PIK3C2B: variants seen among roughly 807,000 people sequenced by gnomAD.
PIK3C2B encodes the protein phosphatidylinositol-4-phosphate 3-kinase catalytic subunit type 2 beta, also known as phosphatidylinositol 4-phosphate 3-kinase C2 domain-containing subunit beta.
In PIK3C2B, 83 loss-of-function variants were observed where a neutral mutation model predicts 184.3. The observed-to-expected ratio is 0.45, with a 90% CI of 0.38 to 0.54. The LOEUF (loss-of-function observed/expected upper bound fraction) is 0.54, where lower values mean the gene tolerates loss of function less well. PIK3C2B is among the 20% of genes least tolerant of loss of function. The pLI, the probability that PIK3C2B is intolerant of heterozygous loss-of-function variation, is 0.00. For missense variants in PIK3C2B, 1,736 were observed against 2,113.5 expected (o/e 0.82, Z 3.50); for synonymous variants, 779 against 837.6 (o/e 0.93, Z 1.21).
rs1173081550 is a variant in PIK3C2B, at chr1:204,469,509, T to C, written c.294A>G (p.Pro98=). Residue 98 remains proline (P), a synonymous_variant, in exon 2 of 33, where the codon CCA becomes CCG. Coordinates refer to ENST00000684373, the MANE Select transcript of PIK3C2B (RefSeq NM_001377334.1). ...DPTLNYNSLS[P]QEGPPNHSTS... is the part of the protein sequence containing the mutation. The stretch of plus-strand genomic sequence containing the variant: ...TAGAGTGGTTGGGCGGCCCTTCCTG[T>C]GGGGAGAGTGAGTTGTAGTTAAGGG... 2.5e-6 allele frequency: 4 copies of C among 1,607,468 alleles called. No individual in the cohort carries two copies. Among genetic ancestry groups the C allele is most frequent in the African/African-American group, 1.3e-5 (1 of 74,782 alleles).
intron 4 of PIK3C2B, 79 bp from the exon 5 acceptor site, chr1:204,464,211 C>T (rs1655563280): frequency 1.3e-6 from 2 of 1,516,042 alleles, no homozygotes; most frequent in Non-Finnish European, 1.8e-6. Flanking sequence ...CCTGATCCCC[C>T]TTTCCAGCTA....
chr1:204,433,488 C>T lies in PIK3C2B; in HGVS notation c.3844-63G>A. 1 of 1,100,880 alleles carries T rather than the reference C, an allele frequency of 9.1e-7. No homozygotes were observed. Among genetic ancestry groups the T allele is most frequent in the South Asian group, 1.3e-5 (1 of 79,204 alleles). 68.2% of individuals were successfully genotyped at this position (1,100,880 alleles called of 1,614,324 possible). A position where few individuals can be genotyped will look rare whatever the true frequency, so the allele number is the denominator to read the frequency against. On this transcript the variant is annotated intron_variant, in intron 25 of 32. Coordinates refer to ENST00000684373, the MANE Select transcript of PIK3C2B (RefSeq NM_001377334.1). This position sits in a 1 kb window ranked among gnomAD's most constrained non-coding sequence, Gnocchi z 5.0. The stretch of plus-strand genomic sequence containing the variant: ...ACAACAGAGAATTCTTGCTGCTTCT[C>T]TACCCTTAGGCAAGGTTTTCTACAG...
chr1:204,470,965 A>G (rs116266320), intron 1 of PIK3C2B, among the ~76,000 whole-genome samples: 2,373 of 147,272 alleles, frequency 0.016, 263 homozygotes, highest in African/African-American at 0.058. Context: ...GATCAGCGGT[A>G]TCTGGGGGAC....
intron 1 of PIK3C2B, among the ~76,000 whole-genome samples, chr1:204,490,789 T>C (rs1442645199): frequency 6.8e-6 from 1 of 147,360 alleles, no homozygotes; most frequent in African/African-American, 2.5e-5. Flanking sequence ...AAGGCAAGAA[T>C]AGTCCCTCAA....
At position 204,431,812 on chromosome 1, in the gene PIK3C2B, T is replaced by C. The variant is rs770641497; in HGVS notation, c.4156-19A>G. ...CATATATCTGCAAAGGTCCAGATCTTAGGGTGTACCTGCCGAGCCCTCTGC... is the reference window on the plus strand; with the variant it reads ...CATATATCTGCAAAGGTCCAGATCTCAGGGTGTACCTGCCGAGCCCTCTGC... On this transcript the variant is annotated intron_variant, in intron 27 of 32. Coordinates refer to ENST00000684373, the MANE Select transcript of PIK3C2B (RefSeq NM_001377334.1). The C allele has an allele frequency of 1.2e-6, 2 of 1,614,034 alleles. No individual in the cohort carries two copies. Among genetic ancestry groups the C allele is most frequent in the Non-Finnish European group, 8.5e-7 (1 of 1,180,010 alleles).
intron 1 of PIK3C2B, among the ~76,000 whole-genome samples, chr1:204,471,965 T>A (rs1301094983): frequency 3.5e-4 from 3 of 8,482 alleles, no homozygotes; most frequent in Non-Finnish European, 0.042. Context: ...AAATATTGAT[T>A]TTTTTTTTTC....
At chr1:204,441,376 G>A (rs949916949) in intron 21 of PIK3C2B, 95 bp downstream of exon 21, 16 of 721,826 alleles carry the variant, frequency 2.2e-5, no homozygotes, top group African/African-American at 1.4e-4. Context: ...TGGAACAGTG[G>A]GAAGAGAACC....
At position 204,433,693 on chromosome 1, in the gene PIK3C2B, AG is replaced by A; in HGVS notation, c.3843+99del. On this transcript the variant is annotated intron_variant, in intron 25 of 32. Coordinates refer to ENST00000684373, the MANE Select transcript of PIK3C2B (RefSeq NM_001377334.1). This position sits in a 1 kb window ranked among gnomAD's most constrained non-coding sequence, Gnocchi z 5.0. Reference sequence around the variant, plus strand: ...GCAGGTATTCAGTTGGGGCTCAGAGAGGTAAATCTCTAGAAATCCTCTGCGG... The same window carrying A: ...GCAGGTATTCAGTTGGGGCTCAGAGAGTAAATCTCTAGAAATCCTCTGCGG... The A allele has an allele frequency of 1.7e-6, 2 of 1,162,006 alleles. No homozygotes were observed. Among genetic ancestry groups the A allele is most frequent in the South Asian group, 1.4e-5 (1 of 73,174 alleles). 72.0% of individuals were successfully genotyped at this position (1,162,006 alleles called of 1,614,324 possible). A position where few individuals can be genotyped will look rare whatever the true frequency, so the allele number is the denominator to read the frequency against.
intron 1 of PIK3C2B, among the ~76,000 whole-genome samples, chr1:204,479,576 G>C (rs1286225248): frequency 1.3e-5 from 2 of 152,172 alleles, no homozygotes; most frequent in Admixed American, 6.5e-5. Context: ...TATAAACAAA[G>C]GTCCTCTGAA....
At chr1:204,471,846 T>C (rs1385595545) in intron 1 of PIK3C2B, among the ~76,000 whole-genome samples, 1 of 152,258 alleles carries the variant, frequency 6.6e-6, no homozygotes, top group Non-Finnish European at 1.5e-5. Context: ...ACGGACCTTG[T>C]AATTACTCAG....
In PIK3C2B at chr1:204,440,332, G is replaced by A. The variant is rs2103479415; in HGVS notation, c.3250-11C>T. 2 of 1,573,450 alleles carry A rather than the reference G, an allele frequency of 1.3e-6. No individual in the cohort carries two copies. The highest frequency in any genetic ancestry group is 2.3e-5 in the East Asian group (1 of 42,792). On this transcript the variant is annotated splice_polypyrimidine_tract_variant and intron_variant, in intron 21 of 32. Transcript: ENST00000684373. ...AAGGTCGTCCCCACACTGGATGGAG[G>A]GAGAAAGTGACCAGATCTAATCTCC... is the stretch of plus-strand genomic sequence containing the variant.
chr1:204,464,960 G>A (rs1655630034), intron 3 of PIK3C2B, among the ~76,000 whole-genome samples: 1 of 152,212 alleles, frequency 6.6e-6, no homozygotes, highest in African/African-American at 2.4e-5. Flanking sequence ...GCTCTTAAGG[G>A]CAACTGAGGG....
rs578014842 is a variant in PIK3C2B at position 204,470,111 on chromosome 1, C to T, written c.-84-225G>A. 5.5e-4 allele frequency among the ~76,000 whole-genome samples: 84 copies of T among 151,984 alleles called. 1 individual carries two copies. Among genetic ancestry groups the T allele is most frequent in the African/African-American group, 6.5e-4 (27 of 41,438 alleles). ...TTCATCTCTACATGCCTCATCTCTG[C>T]GCCCTAATCCCTATACTCACCTCTG... is the stretch of plus-strand genomic sequence containing the variant. On this transcript the variant is annotated intron_variant, in intron 1 of 32. Coordinates refer to ENST00000684373, the MANE Select transcript of PIK3C2B (RefSeq NM_001377334.1).
chr1:204,444,115 G>C lies in PIK3C2B; in HGVS notation c.2820C>G (p.Leu940=). ...TCAAGTCAGACACAGCTCGTTTCAGGAGGAAGCGCACCAACGGGCTGTCCA... is the reference window on the plus strand; with the variant it reads ...TCAAGTCAGACACAGCTCGTTTCAGCAGGAAGCGCACCAACGGGCTGTCCA... ...CYLDSPLVRF[L]LKRAVSDLRV... is the part of the protein sequence containing the mutation. The change falls in exon 18 of 33, where the codon CTC becomes CTG. Residue 940 remains leucine, a synonymous_variant. Coordinates refer to ENST00000684373, the MANE Select transcript of PIK3C2B (RefSeq NM_001377334.1). 6.2e-7 allele frequency: 1 copy of C among 1,614,010 alleles called. No individual in the cohort carries two copies. Among genetic ancestry groups the C allele is most frequent in the Non-Finnish European group, 8.5e-7 (1 of 1,179,836 alleles).
Position 204,424,871 on chromosome 1 carries a change from C to T in PIK3C2B, c.4886G>A (p.Arg1629Gln), listed in dbSNP as rs770075841. Residue 1629 changes from arginine (R) to glutamine (Q), a missense_variant, in exon 33 of 33, where the codon CGA (arginine) becomes CAA (glutamine). By Grantham distance (43) the Arg-to-Gln change is conservative. Around this residue, in one of 8 missense-constraint regions of PIK3C2B, gnomAD observed 95 missense variants for 164.2 expected, o/e 0.58. Coordinates refer to ENST00000684373, the MANE Select transcript of PIK3C2B (RefSeq NM_001377334.1). ...CTGGGCTCACAAGGTGCCATGACTTCGAGATCCCAGGGCGAACCAGCCGGT... is the reference window on the plus strand; with the variant it reads ...CTGGGCTCACAAGGTGCCATGACTTTGAGATCCCAGGGCGAACCAGCCGGT... ...EKTGWFALGSRSHGTL is the reference protein window; with the variant it reads ...EKTGWFALGSQSHGTL The T allele has an allele frequency of 3.4e-5, 55 of 1,613,944 alleles. No homozygotes were observed. The highest frequency in any genetic ancestry group is 8.0e-5 in the African/African-American group (6 of 74,928).
In PIK3C2B at chr1:204,464,608, T is replaced by C. The variant is rs113688884; in HGVS notation, c.1035-4A>G. 1.9e-6 allele frequency: 3 copies of C among 1,611,662 alleles called. No homozygotes were observed. The highest frequency in any genetic ancestry group is 1.7e-5 in the Admixed American group (1 of 59,332). On this transcript the variant is annotated splice_region_variant and splice_polypyrimidine_tract_variant and intron_variant, in intron 3 of 32. Transcript: ENST00000684373. ...GATGTCAGAGCCAGATCGAAGGCTG[T>C]ACAGGAAGAAAAAAAACCCTCACTG...
In PIK3C2B at chr1:204,459,920, G is replaced by A. The variant is rs770988411; in HGVS notation, c.1524C>T (p.Phe508=). The part of the protein sequence containing the change: ...TISRQALSLL[F]DTYHNEVDAF... ...CATCCACCTCATTGTGGTAAGTGTC[G>A]AACAGAAGACTCAGGGCCTGCCTGG... Residue 508 remains phenylalanine, a synonymous_variant, in exon 8 of 33, where the codon TTC becomes TTT. Transcript: ENST00000684373. 56 of 1,613,716 alleles carry A rather than the reference G, an allele frequency of 3.5e-5. No homozygotes were observed. Among genetic ancestry groups the A allele is most frequent in the African/African-American group, 5.3e-5 (4 of 74,884 alleles).
chr1:204,476,265 G>A (rs568978170), intron 1 of PIK3C2B, among the ~76,000 whole-genome samples: 4 of 152,228 alleles, frequency 2.6e-5, no homozygotes, highest in African/African-American at 9.6e-5. Context: ...TCTCTGTCAG[G>A]CTCTACATTA....
At chr1:204,463,948 C>T (rs1341036673) in intron 5 of PIK3C2B, 64 bp downstream of exon 5, 1 of 1,559,880 alleles carries the variant, frequency 6.4e-7, no homozygotes, top group East Asian at 2.2e-5. Flanking sequence ...GCACCAATCC[C>T]ATGAAGCCCC....
Sources: allele counts gnomAD v4.1 joint callset (sites outside exome capture counted in the v4.1 genomes callset), GRCh38; gene constraint gnomAD v4.1.1; regional missense constraint gnomAD v4.1.1; non-coding constraint Gnocchi (gnomAD v3.1); transcripts MANE v1.5; gene names NCBI Gene and HGNC (gene_info 2026-07-23, HGNC 2026-07-21).